DDX10: variants seen among roughly 807,000 people sequenced by gnomAD.
DDX10 encodes probable ATP-dependent RNA helicase DDX10.
In DDX10, 74 loss-of-function variants were observed where a neutral mutation model predicts 104.3. The ratio of observed to expected loss-of-function variants is 0.71; its 90% CI spans 0.59 to 0.86. The LOEUF is 0.86. Among genes scored for constraint, DDX10 ranks in the 40% least tolerant of loss-of-function variants. The pLI is 0.00. For missense variants in DDX10, 952 were observed against 1,040.0 expected, an observed-to-expected ratio of 0.92 and a Z score of 1.16; for synonymous variants, 351 against 353.4, an observed-to-expected ratio of 0.99 and a Z score of 0.08.
chr11:108,780,571 T>G (rs976956091), intron 13 of DDX10, among the ~76,000 whole-genome samples: 1 of 152,172 alleles, frequency 6.6e-6, no homozygotes, highest in Non-Finnish European at 1.5e-5. Context: ...CCAGTGCTAA[T>G]TGGATTGTGA....
intron 13 of DDX10, among the ~76,000 whole-genome samples, chr11:108,808,407 G>A (rs541878890): frequency 6.6e-6 from 1 of 152,166 alleles, no homozygotes; most frequent in South Asian, 2.1e-4. Flanking sequence ...TTATGGATTT[G>A]TTTATGTTAG....
intron 13 of DDX10, among the ~76,000 whole-genome samples, chr11:108,764,764 T>C (rs921831016): frequency 1.3e-5 from 2 of 152,238 alleles, no homozygotes; most frequent in Non-Finnish European, 2.9e-5. Context: ...TAGCATGGAA[T>C]GTATTTCTCA....
rs140122466 is a variant in DDX10, at chr11:108,894,834, A to G, written c.2305-23039A>G. On this transcript the variant is annotated intron_variant, in intron 16 of 17. Coordinates refer to ENST00000322536, the MANE Select transcript of DDX10 (RefSeq NM_004398.4). ...AGGGCACTCGGGCATTTTATAACTC[A>G]TTCTCATTTTTGAAGAGGAAAAACG... Among the ~76,000 whole-genome samples the G allele has an allele frequency of 9.2e-5, 14 of 152,102 alleles. No homozygotes were observed. The East Asian group carries it at 2.5e-3, about 27-fold the overall frequency.
intron 5 of DDX10, 53 bp downstream of exon 5, chr11:108,678,488 A>G: frequency 6.8e-7 from 1 of 1,460,714 alleles, no homozygotes; most frequent in Non-Finnish European, 9.1e-7. Flanking sequence ...GACTTAGGAG[A>G]GAGCCCTTAT....
intron 16 of DDX10, among the ~76,000 whole-genome samples, chr11:108,863,686 C>G (rs1352052532): frequency 5.9e-5 from 9 of 152,278 alleles, no homozygotes; most frequent in Middle Eastern, 3.4e-3. Context: ...CTCCTGGCAT[C>G]CATCCAACCC....
chr11:108,890,427 G>A (rs1019912586), intron 16 of DDX10, among the ~76,000 whole-genome samples: 10 of 152,098 alleles, frequency 6.6e-5, no homozygotes, highest in South Asian at 6.2e-4. Context: ...AAATGCCCTC[G>A]GCTATTCCTA....
chr11:108,930,024 G>A (rs540067931), intron 17 of DDX10, among the ~76,000 whole-genome samples: 2 of 152,282 alleles, frequency 1.3e-5, no homozygotes, highest in South Asian at 4.1e-4. Context: ...ACTAATGTCT[G>A]TAGTTCAAAT....
At chr11:108,823,396 A>G (rs1369877523) in intron 13 of DDX10, among the ~76,000 whole-genome samples, 12 of 152,198 alleles carry the variant, frequency 7.9e-5, no homozygotes, top group Non-Finnish European at 2.9e-5. Context: ...CATACAGCCC[A>G]TGTATGTATT....
chr11:108,771,016 T>C (rs2094362476), intron 13 of DDX10, among the ~76,000 whole-genome samples: 1 of 152,188 alleles, frequency 6.6e-6, no homozygotes. Flanking sequence ...GCATTTGTTA[T>C]TGCCTGTTGT....
intron 13 of DDX10, among the ~76,000 whole-genome samples, chr11:108,799,175 C>G (rs983232330): frequency 6.6e-6 from 1 of 152,190 alleles, no homozygotes; most frequent in Non-Finnish European, 1.5e-5. Context: ...GATCACTTCA[C>G]ATCTACAAAG....
intron 16 of DDX10, among the ~76,000 whole-genome samples, chr11:108,881,864 A>G (rs963409090): frequency 2.0e-5 from 3 of 152,182 alleles, no homozygotes; most frequent in African/African-American, 7.2e-5. Flanking sequence ...CATATTTTAG[A>G]TAAATAGTCT....
At chr11:108,708,496 T>A (rs1428054525) in intron 10 of DDX10, among the ~76,000 whole-genome samples, 1 of 152,016 alleles carries the variant, frequency 6.6e-6, no homozygotes, top group Non-Finnish European at 1.5e-5. Flanking sequence ...TTTTTGGGAG[T>A]GCTAATAATG....
intron 16 of DDX10, among the ~76,000 whole-genome samples, chr11:108,893,943 T>G (rs1207758053): frequency 6.6e-6 from 1 of 152,060 alleles, no homozygotes; most frequent in Non-Finnish European, 1.5e-5. Flanking sequence ...GCAAACAAAA[T>G]ATTTTCTTTG....
chr11:108,863,455 T>C (rs1862966333), intron 16 of DDX10, among the ~76,000 whole-genome samples: 2 of 152,228 alleles, frequency 1.3e-5, no homozygotes, highest in African/African-American at 4.8e-5. Context: ...CTATGTACAT[T>C]AGTTTTCCCC....
At chr11:108,777,274 C>T (rs1041278271) in intron 13 of DDX10, among the ~76,000 whole-genome samples, 3 of 152,094 alleles carry the variant, frequency 2.0e-5, no homozygotes, top group African/African-American at 7.2e-5. Flanking sequence ...GGAGCTAGAA[C>T]TCAGTCTCCA....
At chr11:108,934,141 G>A (rs951397127) in intron 17 of DDX10, among the ~76,000 whole-genome samples, 39 of 152,216 alleles carry the variant, frequency 2.6e-4, no homozygotes, top group Non-Finnish European at 1.0e-4. Context: ...CCCGGAGCTG[G>A]ATCAGGTGAA....
chr11:108,909,083 A>G lies in DDX10; in HGVS notation c.2305-8790A>G, dbSNP rs868429429. ...CTTTCAGCACTTGGCATTTATACTA[A>G]TGAGGTGGCTTAGGGTGGCATCTCT... is the stretch of plus-strand genomic sequence containing the variant. On this transcript the variant is annotated intron_variant, in intron 16 of 17. Transcript: ENST00000322536. Among the ~76,000 whole-genome samples the G allele has an allele frequency of 2.0e-5, 3 of 152,260 alleles. No homozygotes were observed. The Middle Eastern group carries it at 0.01, about 518-fold the overall frequency.
chr11:108,873,981 C>T lies in DDX10; in HGVS notation c.2304+21772C>T, dbSNP rs146404203. Among the ~76,000 whole-genome samples, 6 of 152,230 alleles carry T rather than the reference C, an allele frequency of 3.9e-5. No individual in the cohort carries two copies. In the East Asian group the frequency reaches 9.7e-4, roughly 24 times the overall value. On this transcript the variant is annotated intron_variant, in intron 16 of 17. Transcript: ENST00000322536. The stretch of plus-strand genomic sequence containing the variant: ...AGAGTCTATTTCTGTTAGGTGTTGT[C>T]GCTAACCAAGTAGCTACCTACTTGA...
At chr11:108,826,150 TGTATAAA>T (rs1390162503) in intron 13 of DDX10, among the ~76,000 whole-genome samples, 1 of 152,202 alleles carries the variant, frequency 6.6e-6, no homozygotes, top group Non-Finnish European at 1.5e-5. Context: ...AATGAAGCTA[TGTATAAA>T]GTCTGAAAAT....
Sources: gnomAD v4.1 joint callset for allele counts (sites outside exome capture counted in the v4.1 genomes callset) on GRCh38, gnomAD v4.1.1 for gene constraint, MANE v1.5 for transcripts, NCBI Gene and HGNC (gene_info 2026-07-23, HGNC 2026-07-21) for gene names.